SWT1: variants seen among roughly 807,000 people sequenced by gnomAD.
SWT1 encodes SWT1 RNA endoribonuclease homolog.
SWT1 carries 33 observed loss-of-function variants against 107.3 expected under a neutral mutation model. The ratio of observed to expected loss-of-function variants is 0.31; its 90% CI spans 0.23 to 0.41. SWT1 has a LOEUF of 0.41. Ranked by LOEUF, SWT1 falls within the 10% of genes least tolerant of loss-of-function variation. SWT1 has a pLI of 1.00. For synonymous variants in SWT1, 345 were observed against 348.3 expected, an observed-to-expected ratio of 0.99 and a Z score of 0.11; for missense variants, 898 against 1,028.9, an observed-to-expected ratio of 0.87 and a Z score of 1.74.
chr1:185,236,446 C>G (rs1660882498), intron 16 of SWT1, among the ~76,000 whole-genome samples: 4 of 152,050 alleles, frequency 2.6e-5, no homozygotes. Flanking sequence ...TTTGACAAAC[C>G]TGACAAAAAC....
chr1:185,175,474 CT>C (rs979931988), intron 5 of SWT1, among the ~76,000 whole-genome samples: 27 of 152,260 alleles, frequency 1.8e-4, no homozygotes, highest in African/African-American at 6.0e-4. Context: ...CAGTTCGCCC[CT>C]GCTCAGCCTC....
intron 2 of SWT1, among the ~76,000 whole-genome samples, chr1:185,163,849 A>G (rs550280805): frequency 6.6e-6 from 1 of 152,132 alleles, no homozygotes. Flanking sequence ...AACTCCTGTT[A>G]ATGTTGGTAT....
At position 185,220,181 on chromosome 1, in the gene SWT1, T is replaced by C. The variant is rs551920380; in HGVS notation, c.2122-1668T>C. 2.0e-5 allele frequency among the ~76,000 whole-genome samples: 3 copies of C among 149,106 alleles called. No homozygotes were observed. The South Asian group carries it at 6.3e-4, about 31-fold the overall frequency. On this transcript the variant is annotated intron_variant, in intron 14 of 18. Transcript: ENST00000367500. Reference sequence around the variant, plus strand: ...AAAAAAAAAGAGCAATTTCTAACCATTGTTTTCATTTTTGCACTCTTTTTT... The same window carrying C: ...AAAAAAAAAGAGCAATTTCTAACCACTGTTTTCATTTTTGCACTCTTTTTT...
intron 1 of SWT1, among the ~76,000 whole-genome samples, chr1:185,157,950 T>A (rs936046110): frequency 1.3e-5 from 2 of 152,154 alleles, no homozygotes; most frequent in African/African-American, 4.8e-5. Context: ...TGTTTCTTTC[T>A]TCTGTCCCCC....
chr1:185,159,997 T>A (rs1225015270), intron 1 of SWT1, among the ~76,000 whole-genome samples: 7 of 152,190 alleles, frequency 4.6e-5, no homozygotes, highest in African/African-American at 1.4e-4. Flanking sequence ...GTATTGGGAT[T>A]ACAGTGAGCC....
At chr1:185,266,124 C>T (rs933237120) in intron 16 of SWT1, among the ~76,000 whole-genome samples, 7 of 152,106 alleles carry the variant, frequency 4.6e-5, no homozygotes, top group South Asian at 2.1e-4. Context: ...AGTGCAGTGG[C>T]GCCATCTTGG....
In SWT1 at chr1:185,214,546, T is replaced by C; in HGVS notation, c.2012T>C (p.Leu671Pro). The change falls in exon 14 of 19, where the codon CTT becomes CCT. Residue 671 changes from leucine to proline, a missense_variant. By Grantham distance (98) the Leu-to-Pro change is moderately conservative (BLOSUM62 -3). Coordinates refer to ENST00000367500, the MANE Select transcript of SWT1 (RefSeq NM_017673.7). ...GATTTTACAACAGTCAAATTCTTGCTTCAGGATTCTAGAAGTTTGTTACAT... is the reference window on the plus strand; with the variant it reads ...GATTTTACAACAGTCAAATTCTTGCCTCAGGATTCTAGAAGTTTGTTACAT... ...AVDFTTVKFL[L>P]QDSRSLLHAF... 1 of 1,610,872 alleles carries C rather than the reference T, an allele frequency of 6.2e-7. No homozygotes were observed. The highest frequency in any genetic ancestry group is 8.5e-7 in the Non-Finnish European group (1 of 1,178,684).
intron 16 of SWT1, among the ~76,000 whole-genome samples, chr1:185,255,833 C>T (rs888570918): frequency 4.0e-5 from 6 of 151,718 alleles, no homozygotes; most frequent in Non-Finnish European, 5.9e-5. Flanking sequence ...ATGATGTTAG[C>T]TGGTGATTTT....
chr1:185,275,338 G>T (rs898222177), intron 17 of SWT1, among the ~76,000 whole-genome samples: 23 of 151,398 alleles, frequency 1.5e-4, no homozygotes, highest in African/African-American at 5.6e-4. Flanking sequence ...TGGACTGGTT[G>T]ATAGTTTAAA....
At chr1:185,257,940 TG>T (rs1662733997) in intron 16 of SWT1, 1 of 152,174 alleles carries the variant, frequency 6.6e-6, no homozygotes, top group Non-Finnish European at 1.5e-5. Context: ...GCAGTGGGAG[TG>T]GAGAAAGAAC....
rs1355039004 is a variant in SWT1 at position 185,271,420 on chromosome 1, A to G, written c.2508+31A>G. On this transcript the variant is annotated intron_variant, in intron 17 of 18. Coordinates refer to ENST00000367500, the MANE Select transcript of SWT1 (RefSeq NM_017673.7). ...GGAAATATTTTAAAATATTTATCAC[A>G]TTTCTACTTTAAACAAATTTTAATG... The G allele has an allele frequency of 7.9e-6, 9 of 1,141,866 alleles. No individual in the cohort carries two copies. In the East Asian group the frequency reaches 1.9e-4, roughly 24 times the overall value. The allele number at this position is 1,141,866 out of a possible 1,614,324, so 70.7% of individuals were successfully genotyped here. A position where few individuals can be genotyped will look rare whatever the true frequency, so the allele number is the denominator to read the frequency against.
rs369491483 is a variant in SWT1 at position 185,172,711 on chromosome 1, C to T, written c.225-1661C>T. 1.1e-3 allele frequency among the ~76,000 whole-genome samples: 162 copies of T among 152,084 alleles called. 4 individuals are homozygous for T. In the South Asian group the frequency reaches 0.032, roughly 30 times the overall value. ...AGAGTGTCCATTTTACAACCCCTTG[C>T]GAGTATTTGATGTTATTGTAAAATC... On this transcript the variant is annotated intron_variant, in intron 4 of 18. Transcript: ENST00000367500.
chr1:185,213,706 G>T (rs1211400734), intron 13 of SWT1, among the ~76,000 whole-genome samples: 1 of 152,074 alleles, frequency 6.6e-6, no homozygotes, highest in African/African-American at 2.4e-5. Context: ...GTAGCATTCT[G>T]CTTTAATAAT....
At chr1:185,192,935 A>G (rs1209644008) in intron 10 of SWT1, among the ~76,000 whole-genome samples, 2 of 152,072 alleles carry the variant, frequency 1.3e-5, no homozygotes, top group Admixed American at 6.6e-5. Context: ...AGTATGAGCC[A>G]CCGCGCCTGG....
rs775370608 is a variant in SWT1, at chr1:185,276,676, A to G, written c.2573+8A>G. The G allele has an allele frequency of 6.8e-7, 1 of 1,466,538 alleles. No homozygotes were observed. Among genetic ancestry groups the G allele is most frequent in the Admixed American group, 1.7e-5 (1 of 57,576 alleles). 90.8% of individuals were successfully genotyped at this position (1,466,538 alleles called of 1,614,324 possible). A position where few individuals can be genotyped will look rare whatever the true frequency, so the allele number is the denominator to read the frequency against. ...TTCTCAGACTGAGTATAGGTAAGTC[A>G]TATCTATATATAGATATAAACCATT... On this transcript the variant is annotated splice_region_variant and intron_variant, in intron 18 of 18. Transcript: ENST00000367500.
chr1:185,250,756 G>A (rs573237840), intron 16 of SWT1, among the ~76,000 whole-genome samples: 5 of 152,116 alleles, frequency 3.3e-5, no homozygotes, highest in Middle Eastern at 3.4e-3. Context: ...TCCACCTCCC[G>A]GGTTCAAGTG....
intron 9 of SWT1, among the ~76,000 whole-genome samples, chr1:185,187,257 G>C (rs1477770155): frequency 6.9e-6 from 1 of 145,668 alleles, no homozygotes; most frequent in Admixed American, 6.8e-5. Flanking sequence ...ATGGGGTTTT[G>C]TCATGTTGGC....
intron 16 of SWT1, among the ~76,000 whole-genome samples, chr1:185,243,575 C>T (rs925710645): frequency 5.9e-5 from 9 of 152,114 alleles, no homozygotes. Context: ...CAGTGTTTTC[C>T]ACATAGATGG....
intron 5 of SWT1, among the ~76,000 whole-genome samples, chr1:185,178,395 A>G (rs1275509530): frequency 6.6e-6 from 1 of 152,238 alleles, no homozygotes; most frequent in Non-Finnish European, 1.5e-5. Flanking sequence ...CGTAGATGGA[A>G]GAGAGCCACT....
Sources: gnomAD v4.1 joint callset for allele counts (sites outside exome capture counted in the v4.1 genomes callset) on GRCh38, gnomAD v4.1.1 for gene constraint, MANE v1.5 for transcripts, NCBI Gene and HGNC (gene_info 2026-07-23, HGNC 2026-07-21) for gene names.